POLA1: variants seen among roughly 807,000 people sequenced by gnomAD.
The protein encoded by POLA1 is DNA polymerase alpha catalytic subunit.
In POLA1, 15 loss-of-function variants were observed where a neutral mutation model predicts 124.0. The ratio of observed to expected loss-of-function variants is 0.12; its 90% CI spans 0.08 to 0.19. The LOEUF (loss-of-function observed/expected upper bound fraction) is 0.19. Among genes scored for constraint, POLA1 ranks in the 10% least tolerant of loss-of-function variants. The pLI, the probability that POLA1 is intolerant of heterozygous loss-of-function variation, is 1.00. For missense variants in POLA1, 886 were observed against 1,103.4 expected, an observed-to-expected ratio of 0.80 and a Z score of 2.79; for synonymous variants, 408 against 389.4, an observed-to-expected ratio of 1.05 and a Z score of -0.56.
chrX:24,840,982 T>C (rs761955349), intron 32 of POLA1, among the ~76,000 whole-genome samples: 44 of 112,762 alleles, frequency 3.9e-4, no homozygotes, highest in African/African-American at 1.3e-3. Flanking sequence ...TGATTTCTTA[T>C]GTTGTTTTGA....
chrX:24,717,842 G>T, intron 10 of POLA1, 84 bp downstream of exon 10: 2 of 633,411 alleles, frequency 3.2e-6, no homozygotes, highest in Non-Finnish European at 4.6e-6. Context: ...TTCTTTTTGT[G>T]TGTTTTGTCT....
intron 26 of POLA1, among the ~76,000 whole-genome samples, chrX:24,794,573 G>T (rs994549485): frequency 2.7e-5 from 3 of 111,915 alleles, no homozygotes; most frequent in African/African-American, 9.7e-5. Flanking sequence ...TTTTTCCCCT[G>T]CACAATATAT....
At chrX:24,988,618 T>G (rs2048502730) in intron 36 of POLA1, among the ~76,000 whole-genome samples, 1 of 112,384 alleles carries the variant, frequency 8.9e-6, no homozygotes, top group Admixed American at 9.4e-5. Flanking sequence ...CAGCCTGAAT[T>G]TTTTTATGTG....
chrX:24,937,346 G>GT (rs1223973036), intron 36 of POLA1, among the ~76,000 whole-genome samples: 13 of 111,363 alleles, frequency 1.2e-4, no homozygotes, highest in Admixed American at 7.6e-4. Flanking sequence ...AGAAAAATTA[G>GT]TAAGGAACAC....
intron 26 of POLA1, among the ~76,000 whole-genome samples, chrX:24,770,176 G>A (rs920270865): frequency 7.2e-5 from 8 of 111,549 alleles, no homozygotes; most frequent in African/African-American, 2.3e-4. Flanking sequence ...CAGTTCAGTC[G>A]TCTGGCCTAC....
At chrX:24,925,026 C>T (rs750863142) in intron 35 of POLA1, among the ~76,000 whole-genome samples, 21 of 112,118 alleles carry the variant, frequency 1.9e-4, no homozygotes, top group Admixed American at 9.5e-4. Context: ...CTCATGATCT[C>T]TGTCAGTGCT....
At chrX:24,751,198 A>C (rs766039749) in intron 26 of POLA1, among the ~76,000 whole-genome samples, 1 of 111,133 alleles carries the variant, frequency 9.0e-6, no homozygotes, top group South Asian at 3.9e-4. Flanking sequence ...CCCTGTTGTT[A>C]CATTTTCCAC....
At chrX:24,761,605 A>G (rs544356802) in intron 26 of POLA1, among the ~76,000 whole-genome samples, 3 of 111,956 alleles carry the variant, frequency 2.7e-5, no homozygotes, top group East Asian at 2.8e-4. Context: ...TTCTATTTAC[A>G]TTGGACTGCA....
At chrX:24,829,484 C>T (rs11796479) in intron 32 of POLA1, among the ~76,000 whole-genome samples, 14 of 111,600 alleles carry the variant, frequency 1.3e-4, no homozygotes, top group Non-Finnish European at 2.3e-4. Context: ...ATCTTGTAGT[C>T]CTTTCCTTCT....
chrX:24,834,838 T>A (rs895205905), intron 32 of POLA1, among the ~76,000 whole-genome samples: 1 of 110,594 alleles, frequency 9.0e-6, no homozygotes, highest in Non-Finnish European at 1.9e-5. Flanking sequence ...ATATTATATA[T>A]ATATATATGG....
chrX:24,830,871 T>C (rs1309811275), intron 32 of POLA1, among the ~76,000 whole-genome samples: 1 of 112,174 alleles, frequency 8.9e-6, no homozygotes, highest in Non-Finnish European at 1.9e-5. Context: ...TCTCCTCCAA[T>C]GAGCAATGAT....
At chrX:24,853,834 T>G (rs1020873457) in intron 34 of POLA1, among the ~76,000 whole-genome samples, 7 of 112,018 alleles carry the variant, frequency 6.2e-5, no homozygotes, top group Non-Finnish European at 1.1e-4. Context: ...AGCTTGCAGC[T>G]CAGACAGTTA....
At chrX:24,729,270 C>T (rs1930741162) in intron 15 of POLA1, among the ~76,000 whole-genome samples, 1 of 111,507 alleles carries the variant, frequency 9.0e-6, no homozygotes, top group Non-Finnish European at 1.9e-5. Flanking sequence ...CTGGTCTTTA[C>T]TTTCTAGATG....
chrX:24,707,617 G>A (rs2148322645), intron 4 of POLA1, among the ~76,000 whole-genome samples: 1 of 112,396 alleles, frequency 8.9e-6, no homozygotes, highest in East Asian at 2.8e-4. Flanking sequence ...GTACTTTAAA[G>A]GCTTATAAGA....
chrX:24,771,635 T>C (rs368623037), intron 26 of POLA1, among the ~76,000 whole-genome samples: 87 of 111,802 alleles, frequency 7.8e-4, no homozygotes, highest in African/African-American at 2.7e-3. Context: ...AACTATACAA[T>C]ACAATTCTAG....
At chrX:24,788,866 G>A (rs936047914) in intron 26 of POLA1, 15 of 1,195,304 alleles carry the variant, frequency 1.3e-5, no homozygotes, top group Admixed American at 2.2e-5. Flanking sequence ...CTCCTGGCAG[G>A]CTGGCCTTTT....
chrX:24,899,551 G>A (rs772113780), intron 35 of POLA1, among the ~76,000 whole-genome samples: 1 of 111,472 alleles, frequency 9.0e-6, no homozygotes, highest in South Asian at 3.8e-4. Context: ...CGAATTCCTG[G>A]TGGAAAAAAA....
At chrX:24,957,656 C>T (rs1362300517) in intron 36 of POLA1, among the ~76,000 whole-genome samples, 8 of 111,557 alleles carry the variant, frequency 7.2e-5, no homozygotes, top group Non-Finnish European at 1.3e-4. Flanking sequence ...GTTGTTTGTG[C>T]TTATACAAAT....
intron 35 of POLA1, among the ~76,000 whole-genome samples, chrX:24,895,803 G>A (rs2047199605): frequency 8.9e-6 from 1 of 112,519 alleles, no homozygotes; most frequent in Non-Finnish European, 1.9e-5. Flanking sequence ...AAATGTTGAA[G>A]TGCATTTATG....
Sources: allele counts gnomAD v4.1 joint callset (sites outside exome capture counted in the v4.1 genomes callset), GRCh38; gene constraint gnomAD v4.1.1; transcripts MANE v1.5; gene names NCBI Gene and HGNC (gene_info 2026-07-23, HGNC 2026-07-21).